The following ZBTB8A variants were observed in gnomAD, a reference collection of about 807,000 sequenced individuals.
ZBTB8A encodes zinc finger and BTB domain-containing protein 8A.
ZBTB8A carries 19 observed loss-of-function variants against 37.8 expected under a neutral mutation model. That is an observed-to-expected ratio of 0.50 (90% CI 0.35 to 0.74). ZBTB8A has a LOEUF of 0.74. ZBTB8A is among the 30% of genes least tolerant of loss of function. The pLI, the probability that ZBTB8A is intolerant of heterozygous loss-of-function variation, is 0.01. For missense variants in ZBTB8A, 394 were observed against 537.8 expected, an observed-to-expected ratio of 0.73 and a Z score of 2.65; for synonymous variants, 181 against 185.2, an observed-to-expected ratio of 0.98 and a Z score of 0.19.
intron 2 of ZBTB8A, among the ~76,000 whole-genome samples, chr1:32,584,807 A>G (rs1042013921): frequency 4.6e-5 from 7 of 151,826 alleles, no homozygotes; most frequent in African/African-American, 1.7e-4. Flanking sequence ...GGTGTAAGCC[A>G]CCATGCCCAG....
chr1:32,566,179 G>C (rs1644277504), intron 2 of ZBTB8A, among the ~76,000 whole-genome samples: 1 of 148,752 alleles, frequency 6.7e-6, no homozygotes, highest in South Asian at 2.1e-4. Context: ...TCCAGCCTGG[G>C]CGACAGAGCA....
chr1:32,590,246 T>A (rs772340090), intron 2 of ZBTB8A, among the ~76,000 whole-genome samples: 1 of 152,068 alleles, frequency 6.6e-6, no homozygotes, highest in Non-Finnish European at 1.5e-5. Flanking sequence ...TGTTAATTTT[T>A]CAGGTTGAGA....
At chr1:32,565,720 G>A (rs1440275455) in intron 2 of ZBTB8A, among the ~76,000 whole-genome samples, 3 of 151,964 alleles carry the variant, frequency 2.0e-5, no homozygotes, top group Admixed American at 1.3e-4. Context: ...TTTCCCTTTA[G>A]TCCTATATTT....
intron 1 of ZBTB8A, among the ~76,000 whole-genome samples, chr1:32,552,704 G>C (rs1644166715): frequency 6.6e-6 from 1 of 151,548 alleles, no homozygotes; most frequent in Admixed American, 6.6e-5. Context: ...GATTGCTTTT[G>C]ATTTGCCATA....
chr1:32,541,497 C>T (rs1252975008), intron 1 of ZBTB8A, among the ~76,000 whole-genome samples: 2 of 152,162 alleles, frequency 1.3e-5, no homozygotes, highest in African/African-American at 4.8e-5. Flanking sequence ...AGTTTTGATT[C>T]TCTTAAGTGT....
chr1:32,560,175 A>T (rs1644232531), intron 2 of ZBTB8A, among the ~76,000 whole-genome samples: 1 of 152,098 alleles, frequency 6.6e-6, no homozygotes, highest in Non-Finnish European at 1.5e-5. Context: ...TCAAGGGGGG[A>T]TGGTGCTAAA....
At chr1:32,580,282 A>G (rs922357254) in intron 2 of ZBTB8A, among the ~76,000 whole-genome samples, 2 of 152,150 alleles carry the variant, frequency 1.3e-5, no homozygotes, top group African/African-American at 4.8e-5. Context: ...GACTGGGCAC[A>G]GTGGCTCATG....
intron 1 of ZBTB8A, among the ~76,000 whole-genome samples, chr1:32,540,507 A>C (rs1644044537): frequency 6.6e-6 from 1 of 152,168 alleles, no homozygotes. Flanking sequence ...TTTGCAGATG[A>C]GGGAACACGT....
At chr1:32,580,391 C>T (rs959574651) in intron 2 of ZBTB8A, among the ~76,000 whole-genome samples, 1 of 151,560 alleles carries the variant, frequency 6.6e-6, no homozygotes, top group African/African-American at 2.4e-5. Context: ...AACTCCGTCT[C>T]TACTAAAAAT....
intron 4 of ZBTB8A, 44 bp downstream of exon 4, chr1:32,595,267 T>A (rs752242556): frequency 1.3e-6 from 2 of 1,593,032 alleles, no homozygotes; most frequent in South Asian, 2.2e-5. Flanking sequence ...TCTTTTTTGG[T>A]TTTTGTTTTT....
chr1:32,548,277 A>T (rs1189731007), intron 1 of ZBTB8A, among the ~76,000 whole-genome samples: 6 of 152,056 alleles, frequency 3.9e-5, no homozygotes, highest in African/African-American at 1.4e-4. Context: ...TAGGTACATG[A>T]ATATGATGAA....
At chr1:32,588,689 T>C (rs542223894) in intron 2 of ZBTB8A, among the ~76,000 whole-genome samples, 93 of 152,004 alleles carry the variant, frequency 6.1e-4, no homozygotes, top group Non-Finnish European at 1.0e-3. Flanking sequence ...CTAATAACCA[T>C]AAAAATGGTT....
intron 1 of ZBTB8A, among the ~76,000 whole-genome samples, chr1:32,541,899 A>T (rs1644058456): frequency 1.3e-5 from 2 of 152,148 alleles, no homozygotes; most frequent in South Asian, 4.1e-4. Flanking sequence ...AAATGTTCAA[A>T]CCATAGCTCT....
chr1:32,563,805 G>T (rs548491367), intron 2 of ZBTB8A, among the ~76,000 whole-genome samples: 1 of 152,030 alleles, frequency 6.6e-6, no homozygotes, highest in Non-Finnish European at 1.5e-5. Context: ...ATTTTAGACA[G>T]GCTCTTCTTC....
At chr1:32,553,084 A>G (rs7547882) in intron 1 of ZBTB8A, among the ~76,000 whole-genome samples, 17,857 of 150,232 alleles carry the variant, frequency 0.12, 1,212 homozygotes, top group African/African-American at 0.2. Context: ...TTTTGAGACG[A>G]AGTCTTGCTC....
intron 2 of ZBTB8A, among the ~76,000 whole-genome samples, chr1:32,567,718 G>C (rs1644291026): frequency 6.9e-6 from 1 of 145,610 alleles, no homozygotes; most frequent in Non-Finnish European, 1.5e-5. Flanking sequence ...CGTGAACCCG[G>C]GAGGCGGAGC....
rs1644602154 is a variant in ZBTB8A at position 32,604,782 on chromosome 1, A to G, written c.*4363A>G. 1 of 152,106 alleles carries G rather than the reference A, an allele frequency of 6.6e-6. No individual in the cohort carries two copies. The highest frequency in any genetic ancestry group is 1.5e-5 in the Non-Finnish European group (1 of 68,030). The allele number at this position is 152,106 out of a possible 1,614,324, so 9.4% of individuals were successfully genotyped here. ...CCAAGATATATTGAAATTTCCACTC[A>G]TATTGGTTTTTAAAATTTTTTTTAG... On this transcript the variant is annotated 3_prime_UTR_variant, in exon 5 of 5. Transcript: ENST00000373510.
intron 2 of ZBTB8A, among the ~76,000 whole-genome samples, chr1:32,592,063 C>G (rs1261690080): frequency 2.0e-5 from 3 of 151,708 alleles, no homozygotes; most frequent in African/African-American, 7.3e-5. Context: ...GGATGGTCTC[C>G]ATCTCTTGAC....
At chr1:32,578,897 A>G (rs1644382787) in intron 2 of ZBTB8A, among the ~76,000 whole-genome samples, 1 of 151,800 alleles carries the variant, frequency 6.6e-6, no homozygotes, top group Admixed American at 6.6e-5. Flanking sequence ...TTTTTTATGG[A>G]ATGGTGGACA....
Sources: allele counts gnomAD v4.1 joint callset (sites outside exome capture counted in the v4.1 genomes callset), GRCh38; gene constraint gnomAD v4.1.1; transcripts MANE v1.5; gene names NCBI Gene and HGNC (gene_info 2026-07-23, HGNC 2026-07-21).